Variants in ZNF254 observed in about 807,000 individuals in gnomAD.
ZNF254 encodes zinc finger protein 254.
In ZNF254, 10 loss-of-function variants were observed where a neutral mutation model predicts 12.4. That is an observed-to-expected ratio of 0.80 (90% CI 0.50 to 1.36). The LOEUF is 1.36. Among genes scored for constraint, ZNF254 ranks in the 40% most tolerant of loss-of-function variants. The pLI is 0.00. For synonymous variants in ZNF254, 305 were observed against 253.4 expected (o/e 1.20, Z -1.93); for missense variants, 996 against 763.9 (o/e 1.30, Z -3.58).
chr19:24,100,296 A>G (rs978197398), intron 1 of ZNF254, among the ~76,000 whole-genome samples: 1 of 151,862 alleles, frequency 6.6e-6, no homozygotes, highest in Non-Finnish European at 1.5e-5. Context: ...TCTCGCTAAA[A>G]TGCTCACAAT....
At chr19:24,116,059 A>T (rs1974047100) in intron 3 of ZNF254, among the ~76,000 whole-genome samples, 1 of 152,188 alleles carries the variant, frequency 6.6e-6, no homozygotes. Flanking sequence ...TTCTGCCGAG[A>T]GGTCCACTCT....
intron 1 of ZNF254, among the ~76,000 whole-genome samples, chr19:24,039,174 A>G (rs1026043356): frequency 6.8e-6 from 1 of 147,404 alleles, no homozygotes; most frequent in African/African-American, 2.5e-5. Context: ...GAATCCACAC[A>G]TAAGGGCTGA....
chr19:24,059,695 G>T (rs544692635), intron 2 of ZNF254, among the ~76,000 whole-genome samples: 1 of 152,106 alleles, frequency 6.6e-6, no homozygotes, highest in Non-Finnish European at 1.5e-5. Flanking sequence ...GCCTACAGGG[G>T]TATGATGATG....
intron 2 of ZNF254, among the ~76,000 whole-genome samples, chr19:24,050,374 G>A (rs1038593031): frequency 2.0e-5 from 3 of 152,086 alleles, no homozygotes; most frequent in Non-Finnish European, 4.4e-5. Context: ...TGGCCAGGCC[G>A]ATATCAAACT....
chr19:24,087,449 C>T, intron 1 of ZNF254, 112 bp downstream of exon 1: 1 of 1,362,398 alleles, frequency 7.3e-7, no homozygotes, highest in Non-Finnish European at 1.0e-6. Context: ...CAATCTGCGC[C>T]CAGCTCGACC....
intron 1 of ZNF254, chr19:24,099,016 T>TTTTG (rs1972841240): frequency 1.4e-5 from 2 of 144,258 alleles, no homozygotes; most frequent in African/African-American, 2.6e-5. Flanking sequence ...TTTTTTTTTT[T>TTTTG]GAGACAGTCT....
chr19:24,062,954 C>A (rs1158140662), intron 2 of ZNF254, among the ~76,000 whole-genome samples: 1 of 152,132 alleles, frequency 6.6e-6, no homozygotes, highest in East Asian at 1.9e-4. Context: ...GTGCCCACCA[C>A]TATGCCAGCT....
At chr19:24,036,084 T>A (rs1274299384) in intron 1 of ZNF254, among the ~76,000 whole-genome samples, 1 of 152,160 alleles carries the variant, frequency 6.6e-6, no homozygotes, top group Non-Finnish European at 1.5e-5. Context: ...TTTTTTGAGA[T>A]GGAGGCTCAC....
chr19:24,106,890 G>A (rs1267799542), intron 3 of ZNF254: 18 of 429,564 alleles, frequency 4.2e-5, no homozygotes, highest in Non-Finnish European at 4.1e-6. Context: ...TACTGTTCAT[G>A]GCATACAAAA....
intron 2 of ZNF254, among the ~76,000 whole-genome samples, chr19:24,082,158 G>A (rs1326466229): frequency 6.6e-6 from 1 of 151,108 alleles, no homozygotes; most frequent in South Asian, 2.1e-4. Context: ...ATCGAGTCTC[G>A]CAAAATATAG....
At chr19:24,078,824 C>T (rs1971748433) in intron 2 of ZNF254, 1 of 152,170 alleles carries the variant, frequency 6.6e-6, no homozygotes, top group African/African-American at 2.4e-5. Flanking sequence ...TTTCCTGACC[C>T]AATGCCCCCC....
At chr19:24,059,257 G>A (rs41513046) in intron 2 of ZNF254, among the ~76,000 whole-genome samples, 22,588 of 152,224 alleles carry the variant, frequency 0.15, 1,934 homozygotes, top group Middle Eastern at 0.23. Flanking sequence ...GTGTTTGCCT[G>A]TAAGAGACAT....
At chr19:24,090,979 C>T (rs1462858274) in intron 1 of ZNF254, among the ~76,000 whole-genome samples, 3 of 115,908 alleles carry the variant, frequency 2.6e-5, no homozygotes, top group South Asian at 6.0e-4. Context: ...GACAGAGTCT[C>T]ACTCTGTCGC....
chr19:24,033,636 T>C (rs552893540), intron 1 of ZNF254: 154 of 390,388 alleles, frequency 3.9e-4, no homozygotes, highest in Non-Finnish European at 6.7e-4. Context: ...GTGTGCGGGG[T>C]TGGGCATCCC....
At chr19:24,110,486 A>G (rs1973601153) in intron 3 of ZNF254, among the ~76,000 whole-genome samples, 1 of 151,850 alleles carries the variant, frequency 6.6e-6, no homozygotes, top group Non-Finnish European at 1.5e-5. Flanking sequence ...GGATTAGTTG[A>G]GCCTGGGATT....
At chr19:24,055,573 G>A (rs541390484) in intron 2 of ZNF254, among the ~76,000 whole-genome samples, 16 of 152,148 alleles carry the variant, frequency 1.1e-4, no homozygotes, top group African/African-American at 2.9e-4. Context: ...CACTGCAGCC[G>A]GCCTGGAGAT....
chr19:24,076,417 ACTC>A (rs1158257482), intron 2 of ZNF254, among the ~76,000 whole-genome samples: 1 of 151,938 alleles, frequency 6.6e-6, no homozygotes, highest in Non-Finnish European at 1.5e-5. Context: ...TAAATATGTG[ACTC>A]CTCTATTCTG....
rs202000799 is a variant in ZNF254 at position 24,126,559 on chromosome 19, C to T, written c.559C>T (p.Arg187Cys). The change falls in exon 4 of 4, where the codon CGT becomes TGT. Residue 187 changes from arginine to cysteine, a missense_variant. Physicochemically the swap from Arg to Cys is radical, Grantham distance 180 (BLOSUM62 -3). Coordinates refer to ENST00000357002, the MANE Select transcript of ZNF254 (RefSeq NM_203282.4). Reference sequence around the variant, plus strand: ...AAAGAAATCTTTCAAATGTAAAAAACGTGTCAAATTATTTTGCATGCTTTC... The same window carrying T: ...AAAGAAATCTTTCAAATGTAAAAAATGTGTCAAATTATTTTGCATGCTTTC... ...TEKKSFKCKK[R>C]VKLFCMLSHK... is the part of the protein sequence containing the mutation. The T allele has an allele frequency of 3.2e-4, 511 of 1,603,668 alleles. 3 individuals are homozygous for T. Among genetic ancestry groups the T allele is most frequent in the Middle Eastern group, 1.8e-3 (11 of 5,966 alleles).
At chr19:24,087,412 A>G in intron 1 of ZNF254, 75 bp downstream of exon 1, 8 of 1,591,934 alleles carry the variant, frequency 5.0e-6, no homozygotes, top group Non-Finnish European at 6.9e-6. Context: ...CTGTGGCGGG[A>G]CTCAGGCCTC....
Sources: allele counts gnomAD v4.1 joint callset (sites outside exome capture counted in the v4.1 genomes callset), GRCh38; gene constraint gnomAD v4.1.1; transcripts MANE v1.5; gene names NCBI Gene and HGNC (gene_info 2026-07-23, HGNC 2026-07-21).